The following SCN7A variants were observed in gnomAD, a reference collection of about 807,000 sequenced individuals.
SCN7A encodes the protein sodium channel protein type 7 subunit alpha.
SCN7A carries 138 observed loss-of-function variants against 155.2 expected under a neutral mutation model. The ratio of observed to expected loss-of-function variants is 0.89; its 90% CI spans 0.77 to 1.02. The LOEUF is 1.02. Among genes scored for constraint, SCN7A ranks in the 50% least tolerant of loss-of-function variants. The pLI is 0.00. For missense variants in SCN7A, 2,058 were observed against 1,986.6 expected (o/e 1.04, Z -0.68); for synonymous variants, 693 against 649.0 (o/e 1.07, Z -1.03).
intron 12 of SCN7A, among the ~76,000 whole-genome samples, chr2:166,445,518 C>T (rs1286367080): frequency 1.3e-5 from 2 of 152,182 alleles, no homozygotes; most frequent in African/African-American, 2.4e-5. Context: ...AATACTCTAT[C>T]CTAATAAAAA....
At chr2:166,441,073 C>G in intron 15 of SCN7A, 2 of 384,150 alleles carry the variant, frequency 5.2e-6, no homozygotes, top group Non-Finnish European at 9.2e-6. Context: ...CCACAGGCAA[C>G]TGAAACCACA....
At chr2:166,472,477 G>A in intron 5 of SCN7A, 32 bp from the exon 6 acceptor site, 2 of 1,480,770 alleles carry the variant, frequency 1.4e-6, no homozygotes, top group East Asian at 2.3e-5. Context: ...AATATTATTG[G>A]TGAGAATAAT....
rs1559105644 is a variant in SCN7A, at chr2:166,441,540, C to T, written c.2013G>A (p.Met671Ile). The T allele has an allele frequency of 6.2e-7, 1 of 1,614,078 alleles. No individual in the cohort carries two copies. The highest frequency in any genetic ancestry group is 8.5e-7 in the Non-Finnish European group (1 of 1,179,968). ...TCAGGAAGGAGTGGAAAAAGTCATG[C>T]ATGTGCCAGCGTGGGAGTTGACAGT... ...DKDCQLPRWHMHDFFHSFLNV... is the reference protein window; with the variant it reads ...DKDCQLPRWHIHDFFHSFLNV... Residue 671 changes from methionine to isoleucine, a missense_variant, in exon 15 of 26, where the codon ATG (methionine) becomes ATA (isoleucine). Coordinates refer to ENST00000643258, the MANE Select transcript of SCN7A (RefSeq NM_002976.4).
intron 16 of SCN7A, among the ~76,000 whole-genome samples, chr2:166,431,456 G>A (rs1405245129): frequency 1.3e-5 from 2 of 152,144 alleles, no homozygotes. Context: ...GACCTGTAAA[G>A]ACACATTCCC....
chr2:166,479,386 G>A (rs987225586), intron 2 of SCN7A, among the ~76,000 whole-genome samples: 5 of 151,986 alleles, frequency 3.3e-5, no homozygotes, highest in African/African-American at 7.2e-5. Flanking sequence ...TATACAAAAC[G>A]CAATCTTATA....
rs1701153258 is a variant in SCN7A at position 166,409,710 on chromosome 2, C to A, written c.3937G>T (p.Ala1313Ser). 10 of 1,540,304 alleles carry A rather than the reference C, an allele frequency of 6.5e-6. No homozygotes were observed. Among genetic ancestry groups the A allele is most frequent in the Non-Finnish European group, 8.7e-6 (10 of 1,143,376 alleles). Residue 1313 changes from alanine to serine, a missense_variant, in exon 25 of 26, where the codon GCG (alanine) becomes TCG (serine). Physicochemically the swap from Ala to Ser is moderately conservative, Grantham distance 99 (BLOSUM62 1). Transcript: ENST00000643258. ...ACCATAAAATCAAAAATGTTCCACG[C>A]AATGGTGAAATAAAAACAACGGAAA... Reference protein sequence around the residue: ...IAFRCFYFTIAWNIFDFMVVI... With the variant: ...IAFRCFYFTISWNIFDFMVVI...
chr2:166,466,786 T>A (rs538187490), intron 7 of SCN7A, among the ~76,000 whole-genome samples: 2 of 152,170 alleles, frequency 1.3e-5, no homozygotes, highest in South Asian at 4.1e-4. Flanking sequence ...ACTAACTCTG[T>A]GATGTTAACT....
intron 11 of SCN7A, among the ~76,000 whole-genome samples, chr2:166,452,249 A>T (rs1179462065): frequency 6.6e-6 from 1 of 151,882 alleles, no homozygotes; most frequent in Non-Finnish European, 1.5e-5. Context: ...TTGGAAGATT[A>T]TATCATTTCA....
intron 2 of SCN7A, among the ~76,000 whole-genome samples, chr2:166,482,904 G>A (rs1454064159): frequency 6.6e-6 from 1 of 151,954 alleles, no homozygotes; most frequent in Non-Finnish European, 1.5e-5. Context: ...ATGTAATATG[G>A]TCCACGCACT....
chr2:166,429,801 G>A (rs1208118328), intron 16 of SCN7A, among the ~76,000 whole-genome samples: 1 of 151,890 alleles, frequency 6.6e-6, no homozygotes, highest in African/African-American at 2.4e-5. Flanking sequence ...CAAGAAATAG[G>A]GACAAGAACA....
chr2:166,415,925 T>C (rs190544891), intron 21 of SCN7A, among the ~76,000 whole-genome samples: 1 of 152,266 alleles, frequency 6.6e-6, no homozygotes, highest in East Asian at 1.9e-4. Context: ...ATTTTTCTTC[T>C]TGCAGAGAGC....
chr2:166,409,016 CT>C (rs1701138038), intron 25 of SCN7A, among the ~76,000 whole-genome samples: 1 of 151,978 alleles, frequency 6.6e-6, no homozygotes, highest in Admixed American at 6.6e-5. Flanking sequence ...CACCCTGTGA[CT>C]TCCCTACCAT....
chr2:166,455,874 C>T (rs986112207), intron 11 of SCN7A, among the ~76,000 whole-genome samples: 1 of 152,130 alleles, frequency 6.6e-6, no homozygotes, highest in Non-Finnish European at 1.5e-5. Context: ...TTGAACCAGG[C>T]TTGCATCCCA....
In SCN7A at chr2:166,474,360, C is replaced by G. The variant is rs369215148; in HGVS notation, c.235-16G>C. ...CTATGAAAGTCTGTAAGAAGAAAAG[C>G]GATCAAGTGAAATTAGAACTCAGAA... On this transcript the variant is annotated splice_polypyrimidine_tract_variant and intron_variant, in intron 3 of 25. Coordinates refer to ENST00000643258, the MANE Select transcript of SCN7A (RefSeq NM_002976.4). 1 of 1,220,314 alleles carries G rather than the reference C, an allele frequency of 8.2e-7. No homozygotes were observed. Among genetic ancestry groups the G allele is most frequent in the East Asian group, 2.7e-5 (1 of 37,328 alleles). 75.6% of individuals were successfully genotyped at this position (1,220,314 alleles called of 1,614,324 possible).
chr2:166,406,356 G>T lies in SCN7A; in HGVS notation c.4273C>A (p.Leu1425Ile). 1 of 1,613,092 alleles carries T rather than the reference G, an allele frequency of 6.2e-7. No individual in the cohort carries two copies. The highest frequency in any genetic ancestry group is 8.5e-7 in the Non-Finnish European group (1 of 1,179,396). ...AATATTGCAACTTGAAAAAGACAGA[G>T]CATACTGTTGCCAAAGGTTTCAAAA... Reference protein sequence around the residue: ...SNFETFGNSMLCLFQVAIFAG... With the variant: ...SNFETFGNSMICLFQVAIFAG... Residue 1425 changes from leucine (L) to isoleucine (I), a missense_variant, in exon 26 of 26, where the codon CTC becomes ATC. By Grantham distance (5) the Leu-to-Ile change is conservative. Transcript: ENST00000643258.
At chr2:166,454,860 C>T (rs1003774037) in intron 11 of SCN7A, among the ~76,000 whole-genome samples, 14 of 152,140 alleles carry the variant, frequency 9.2e-5, no homozygotes, top group East Asian at 1.9e-4. Flanking sequence ...AGACAATTTT[C>T]GAAAACTTCC....
In SCN7A at chr2:166,473,090, G is replaced by A. The variant is rs185689240; in HGVS notation, c.444-645C>T. 4.8e-3 allele frequency among the ~76,000 whole-genome samples: 734 copies of A among 151,652 alleles called. 5 individuals carry two copies. Among genetic ancestry groups the A allele is most frequent in the African/African-American group, 0.017 (691 of 41,436 alleles). On this transcript the variant is annotated intron_variant, in intron 5 of 25. Transcript: ENST00000643258. ...AATGAGAACTAGGCTTAATACCTGCGTGATGAATAATCTGCACAACAAAAC... is the reference window on the plus strand; with the variant it reads ...AATGAGAACTAGGCTTAATACCTGCATGATGAATAATCTGCACAACAAAAC...
At position 166,421,255 on chromosome 2, in the gene SCN7A, T is replaced by A. The variant is rs1701504079; in HGVS notation, c.3070A>T (p.Lys1024Ter). Residue 1024 changes from lysine (K) to a stop codon, truncating the protein, a stop_gained, in exon 20 of 26, where the codon AAA becomes TAA. Transcript: ENST00000643258. LOFTEE classifies it high-confidence loss of function. ...AGGAATTTCATGGAAATAAGAGGTT[T>A]TAGTTCTTCCCGAGTTTTGCCTATT... ...SLIGKTREEL[K>*]PLISMKFLRP... 6.5e-7 allele frequency: 1 copy of A among 1,535,752 alleles called. No individual in the cohort carries two copies. Among genetic ancestry groups the A allele is most frequent in the African/African-American group, 1.4e-5 (1 of 72,282 alleles).
chr2:166,435,398 A>G (rs1575023614), intron 15 of SCN7A, among the ~76,000 whole-genome samples: 1 of 142,020 alleles, frequency 7.0e-6, no homozygotes, highest in African/African-American at 2.7e-5. Context: ...CCAGATTAAA[A>G]ACATATATTT....
Sources: gnomAD v4.1 joint callset for allele counts (sites outside exome capture counted in the v4.1 genomes callset) on GRCh38, gnomAD v4.1.1 for gene constraint, MANE v1.5 for transcripts, NCBI Gene and HGNC (gene_info 2026-07-23, HGNC 2026-07-21) for gene names.